MOB3B: variants seen among roughly 807,000 people sequenced by gnomAD.
MOB3B encodes the protein MOB kinase activator 3B.
Under a neutral mutation model 18.7 loss-of-function variants are expected in MOB3B, and 7 were observed. That is an observed-to-expected ratio of 0.37 (90% CI 0.21 to 0.70). MOB3B has a LOEUF of 0.70. Among genes scored for constraint, MOB3B ranks in the 30% least tolerant of loss-of-function variants. The probability of loss-of-function intolerance (pLI) is 0.52; values close to 1 mark genes in which losing one functional copy is unlikely to be tolerated. For synonymous variants in MOB3B, 111 were observed against 99.9 expected (o/e 1.11, Z -0.66); for missense variants, 253 against 281.3 (o/e 0.90, Z 0.72).
intron 2 of MOB3B, among the ~76,000 whole-genome samples, chr9:27,419,647 A>G (rs2131410457): frequency 6.6e-6 from 1 of 152,344 alleles, no homozygotes; most frequent in East Asian, 1.9e-4. Flanking sequence ...CTTATACAAA[A>G]ATCAACTTAA....
chr9:27,462,660 T>A (rs923611680), intron 1 of MOB3B, among the ~76,000 whole-genome samples: 1 of 152,222 alleles, frequency 6.6e-6, no homozygotes, highest in Non-Finnish European at 1.5e-5. Context: ...CGTATGTCAA[T>A]CCTTTCTTGG....
At chr9:27,367,952 T>A (rs1821362215) in intron 2 of MOB3B, among the ~76,000 whole-genome samples, 1 of 152,184 alleles carries the variant, frequency 6.6e-6, no homozygotes, top group Non-Finnish European at 1.5e-5. Context: ...TTGAAACTGT[T>A]ATTCATGTCT....
intron 2 of MOB3B, among the ~76,000 whole-genome samples, chr9:27,427,618 C>T (rs529479372): frequency 3.9e-5 from 6 of 152,184 alleles, no homozygotes; most frequent in Admixed American, 2.6e-4. Flanking sequence ...TTTTGTGGCT[C>T]ATCTTCCCCT....
chr9:27,357,292 C>T (rs749583444), intron 3 of MOB3B, among the ~76,000 whole-genome samples: 1 of 149,764 alleles, frequency 6.7e-6, no homozygotes, highest in African/African-American at 2.5e-5. Context: ...TTTTGTGTTT[C>T]GATTCTCTAA....
chr9:27,380,941 A>C (rs1169502196), intron 2 of MOB3B, among the ~76,000 whole-genome samples: 1 of 152,050 alleles, frequency 6.6e-6, no homozygotes, highest in East Asian at 1.9e-4. Context: ...GGCAGAGCCA[A>C]CTCCACCTTT....
At chr9:27,523,464 C>CAAAAAAAAAAAAAAAAAAAAAAAAAAAA (rs55637136) in intron 1 of MOB3B, among the ~76,000 whole-genome samples, 9 of 141,672 alleles carry the variant, frequency 6.4e-5, no homozygotes, top group African/African-American at 1.1e-4. Context: ...TAAACTGCAC[C>CAAAAAAAAAAAAAAAAAAAAAAAAAAAA]AAAAAAAAAA....
intron 2 of MOB3B, among the ~76,000 whole-genome samples, chr9:27,395,286 T>C (rs1268754974): frequency 6.6e-6 from 1 of 152,196 alleles, no homozygotes; most frequent in African/African-American, 2.4e-5. Flanking sequence ...TGAAAAGTGT[T>C]AAGAGACTAG....
Position 27,342,640 on chromosome 9 carries a change from C to T in MOB3B, c.622-12024G>A, listed in dbSNP as rs576222534. On this transcript the variant is annotated intron_variant, in intron 3 of 3. Transcript: ENST00000262244. ...CGCCGCCACACCTGACTGGTTTTTG[C>T]ATTTTTTGGTGGAGACGGGGTTTCG... 1.4e-4 allele frequency among the ~76,000 whole-genome samples: 21 copies of T among 152,320 alleles called. No individual in the cohort carries two copies. In the South Asian group the frequency reaches 3.3e-3, roughly 24 times the overall value.
intron 2 of MOB3B, among the ~76,000 whole-genome samples, chr9:27,399,462 C>T (rs965733548): frequency 3.9e-5 from 6 of 152,168 alleles, no homozygotes; most frequent in African/African-American, 1.4e-4. Context: ...CTCATTCCCA[C>T]CTGGTTGCCC....
At chr9:27,524,537 GT>G (rs748254243) in intron 1 of MOB3B, 20 of 1,613,996 alleles carry the variant, frequency 1.2e-5, no homozygotes, top group Admixed American at 3.3e-5. Context: ...TAGCTTTTGA[GT>G]TGCCCCAAGA....
At chr9:27,463,812 T>C (rs758296057) in intron 1 of MOB3B, among the ~76,000 whole-genome samples, 16 of 151,722 alleles carry the variant, frequency 1.1e-4, no homozygotes, top group African/African-American at 2.2e-4. Flanking sequence ...AATACAAAAA[T>C]TAGCCCAGTG....
intron 2 of MOB3B, among the ~76,000 whole-genome samples, chr9:27,441,333 T>A (rs550166478): frequency 9.9e-5 from 15 of 152,212 alleles, no homozygotes; most frequent in Non-Finnish European, 1.2e-4. Context: ...TTTTCTTTCC[T>A]TAAGTCCTTA....
intron 2 of MOB3B, among the ~76,000 whole-genome samples, chr9:27,386,874 T>G (rs935216347): frequency 2.6e-5 from 4 of 152,224 alleles, no homozygotes; most frequent in African/African-American, 9.6e-5. Context: ...GAGGAGTTTC[T>G]GGAAGAAGTG....
chr9:27,414,923 G>GCGAT (rs1271705593), intron 2 of MOB3B, among the ~76,000 whole-genome samples: 2 of 151,794 alleles, frequency 1.3e-5, no homozygotes, highest in African/African-American at 4.8e-5. Context: ...GTGCAGTGGT[G>GCGAT]CGATCTTGGC....
rs1028777934 is a variant in MOB3B at position 27,325,419 on chromosome 9, T to C, written c.*5168A>G. 7 of 152,326 alleles carry C rather than the reference T, an allele frequency of 4.6e-5. No homozygotes were observed. The South Asian group carries it at 1.2e-3, about 27-fold the overall frequency. 9.4% of individuals were successfully genotyped at this position (152,326 alleles called of 1,614,324 possible). A position where few individuals can be genotyped will look rare whatever the true frequency, so the allele number is the denominator to read the frequency against. The stretch of plus-strand genomic sequence containing the variant: ...GTATGTAAAAAAGATACAGGAAAAT[T>C]CTGAAATCAGATCACTATAAGCTAG... On this transcript the variant is annotated 3_prime_UTR_variant, in exon 4 of 4. Coordinates refer to ENST00000262244, the MANE Select transcript of MOB3B (RefSeq NM_024761.5).
intron 1 of MOB3B, among the ~76,000 whole-genome samples, chr9:27,466,666 G>GA (rs1429304732): frequency 6.6e-6 from 1 of 152,180 alleles, no homozygotes; most frequent in Non-Finnish European, 1.5e-5. Context: ...GTGGGAGGCA[G>GA]AAGGCACTTC....
At chr9:27,410,150 G>A (rs977713998) in intron 2 of MOB3B, among the ~76,000 whole-genome samples, 4 of 152,102 alleles carry the variant, frequency 2.6e-5, no homozygotes, top group African/African-American at 7.2e-5. Context: ...AGAAGAAATC[G>A]ATCCAAGAAC....
intron 2 of MOB3B, among the ~76,000 whole-genome samples, chr9:27,363,484 G>A (rs1821303574): frequency 6.6e-6 from 1 of 151,804 alleles, no homozygotes; most frequent in Non-Finnish European, 1.5e-5. Flanking sequence ...TAGCCAGGAT[G>A]GTCTCGATCT....
chr9:27,400,650 ACAGGTGTGACAT>A (rs1257544451), intron 2 of MOB3B, among the ~76,000 whole-genome samples: 9 of 152,224 alleles, frequency 5.9e-5, no homozygotes, highest in Admixed American at 5.9e-4. Flanking sequence ...CACTTCAAGA[ACAGGTGTGACAT>A]CACTCACTTT....
Sources: allele counts gnomAD v4.1 joint callset (sites outside exome capture counted in the v4.1 genomes callset), GRCh38; gene constraint gnomAD v4.1.1; transcripts MANE v1.5; gene names NCBI Gene and HGNC (gene_info 2026-07-23, HGNC 2026-07-21).